Variants in AHNAK observed in about 807,000 individuals in gnomAD.
AHNAK encodes the protein neuroblast differentiation-associated protein AHNAK.
A neutral mutation model predicts 37.8 loss-of-function variants in AHNAK; 23 were observed. That is an observed-to-expected ratio of 0.61 (90% confidence interval 0.44 to 0.86). The LOEUF is 0.86. Among genes scored for constraint, AHNAK ranks in the 40% least tolerant of loss-of-function variants. The pLI, the probability that AHNAK is intolerant of heterozygous loss-of-function variation, is 0.00. For synonymous variants in AHNAK, 2,481 were observed against 2,636.3 expected (o/e 0.94, Z 1.80); for missense variants, 7,411 against 7,319.4 (o/e 1.01, Z -0.46).
chr11:62,464,085 G>A (rs1283471814), intron 5 of AHNAK, among the ~76,000 whole-genome samples: 1 of 148,752 alleles, frequency 6.7e-6, no homozygotes, highest in Non-Finnish European at 1.5e-5. Context: ...TTTTTAATAG[G>A]ATCTTCCTGT....
chr11:62,528,255 G>T lies in AHNAK; in HGVS notation c.6162C>A (p.Pro2054=). The T allele has an allele frequency of 6.2e-7, 1 of 1,614,040 alleles. No individual in the cohort carries two copies. Among genetic ancestry groups the T allele is most frequent in the South Asian group, 1.1e-5 (1 of 91,076 alleles). ...WHLKMPKMKM[P]KFSMPGFKAE... ...CTTTGAAGCCAGGCATGCTGAACTTGGGCATTTTCATCTTGGGCATCTTCA... is the reference window on the plus strand; with the variant it reads ...CTTTGAAGCCAGGCATGCTGAACTTTGGCATTTTCATCTTGGGCATCTTCA... The change falls in exon 5 of 5, where the codon CCC becomes CCA. Residue 2054 remains proline, a synonymous_variant. Transcript: ENST00000378024.
At chr11:62,450,336 T>C (rs1224665075) in intron 5 of AHNAK, among the ~76,000 whole-genome samples, 2 of 151,366 alleles carry the variant, frequency 1.3e-5, no homozygotes, top group African/African-American at 2.4e-5. Flanking sequence ...TTTTTTGTAT[T>C]TGTTGTTGTT....
rs1371033447 is a variant in AHNAK, at chr11:62,519,743, A to T, written c.14674T>A (p.Phe4892Ile). The T allele has an allele frequency of 1.2e-6, 2 of 1,613,402 alleles. No individual in the cohort carries two copies. The highest frequency in any genetic ancestry group is 2.2e-5 in the East Asian group (1 of 44,884). ...EVDLKGPRLD[F>I]EGPDAKLSGP... ...CTGAGTTTGGCATCAGGGCCTTCGA[A>T]ATCCAGACGTGGACCTTTAAGATCT... The change falls in exon 5 of 5, where the codon TTC (phenylalanine) becomes ATC (isoleucine). Residue 4892 changes from phenylalanine (F) to isoleucine (I), a missense_variant. Physicochemically the swap from Phe to Ile is conservative, Grantham distance 21. Coordinates refer to ENST00000378024, the MANE Select transcript of AHNAK (RefSeq NM_001620.3).
intron 5 of AHNAK, among the ~76,000 whole-genome samples, chr11:62,483,909 C>T (rs1407877227): frequency 3.4e-5 from 5 of 148,472 alleles, no homozygotes; most frequent in Admixed American, 1.4e-4. Flanking sequence ...CGGTGGCGGG[C>T]GCCTGTAGTC....
In AHNAK at chr11:62,519,814, T is replaced by A. The variant is rs1252064005; in HGVS notation, c.14603A>T (p.Asp4868Val). The change falls in exon 5 of 5, where the codon GAT (aspartate) becomes GTT (valine). Residue 4868 changes from aspartate (D) to valine (V), a missense_variant. Coordinates refer to ENST00000378024, the MANE Select transcript of AHNAK (RefSeq NM_001620.3). ...LKGPKVKGDF[D>V]VSVPKVEGTL... ...CCCTTCAACCTTAGGGACAGACACA[T>A]CAAAATCTCCTTTTACTTTGGGTCC... The A allele has an allele frequency of 1.2e-6, 2 of 1,614,016 alleles. No homozygotes were observed. Among genetic ancestry groups the A allele is most frequent in the Non-Finnish European group, 1.7e-6 (2 of 1,180,010 alleles).
chr11:62,454,106 CA>C (rs71458414), intron 5 of AHNAK, among the ~76,000 whole-genome samples: 169 of 130,588 alleles, frequency 1.3e-3, no homozygotes, highest in Admixed American at 1.7e-3. Context: ...ATCTCTGTCT[CA>C]AAAAAAAAAA....
At chr11:62,535,643 C>A (rs1454867114) in intron 3 of AHNAK, among the ~76,000 whole-genome samples, 1 of 148,826 alleles carries the variant, frequency 6.7e-6, no homozygotes, top group Non-Finnish European at 1.5e-5. Context: ...AACAAAACTC[C>A]ATCTAAAAAA....
At chr11:62,498,326 T>A (rs1035914863) in intron 4 of AHNAK, among the ~76,000 whole-genome samples, 4 of 152,004 alleles carry the variant, frequency 2.6e-5, no homozygotes, top group Non-Finnish European at 5.9e-5. Flanking sequence ...AGCACGCAAG[T>A]GTGTTTGGAA....
intron 3 of AHNAK, 64 bp downstream of exon 3, chr11:62,535,881 C>G: frequency 1.3e-6 from 2 of 1,545,832 alleles, no homozygotes; most frequent in Non-Finnish European, 1.7e-6. Context: ...CCCTGCCCTT[C>G]CCTCCAACAC....
At position 62,531,589 on chromosome 11, in the gene AHNAK, G is replaced by T. The variant is rs546072562; in HGVS notation, c.2828C>A (p.Ala943Asp). The T allele has an allele frequency of 5.9e-5, 95 of 1,610,492 alleles. No homozygotes were observed. The South Asian group carries it at 9.7e-4, about 16-fold the overall frequency. Residue 943 changes from alanine to aspartate, a missense_variant, in exon 5 of 5, where the codon GCC (alanine) becomes GAC (aspartate). Transcript: ENST00000378024. Reference protein sequence around the residue: ...KFKMPEMNIKAPKISMPDVDL... With the variant: ...KFKMPEMNIKDPKISMPDVDL... The stretch of plus-strand genomic sequence containing the variant: ...CACATCAGGCATGGAGATCTTGGGG[G>T]CCTTGATATTCATCTCTGGCATCTT...
At chr11:62,467,780 A>G (rs1938944837) in intron 5 of AHNAK, among the ~76,000 whole-genome samples, 1 of 152,174 alleles carries the variant, frequency 6.6e-6, no homozygotes, top group South Asian at 2.1e-4. Context: ...AGAGAGGGAC[A>G]CTCTCAGGCA....
downstream of AHNAK, among the ~76,000 whole-genome samples, chr11:62,512,098 C>T (rs553245312): frequency 1.2e-4 from 19 of 152,328 alleles, no homozygotes; most frequent in South Asian, 8.3e-4. The surrounding 1 kb of genome is among the most constrained non-coding windows in gnomAD (Gnocchi z 4.0). Flanking sequence ...CCACCTGCCT[C>T]GGCCTCCCAA....
rs1182552705 is a variant in AHNAK at position 62,532,162 on chromosome 11, A to T, written c.2255T>A (p.Met752Lys). 2.5e-6 allele frequency: 4 copies of T among 1,613,842 alleles called. No individual in the cohort carries two copies. Among genetic ancestry groups the T allele is most frequent in the African/African-American group, 1.3e-5 (1 of 74,836 alleles). The change falls in exon 5 of 5, where the codon ATG (methionine) becomes AAG (lysine). Residue 752 changes from methionine to lysine, a missense_variant. Transcript: ENST00000378024. ...GPDWHLKMPK[M>K]KMPKFSVPGF... ...TGGCACACTGAATTTGGGCATTTTC[A>T]TCTTGGGCATCTTCAAGTGCCAGTC...
At position 62,517,866 on chromosome 11, in the gene AHNAK, C is replaced by G. The variant is rs1940078120; in HGVS notation, c.16551G>C (p.Gln5517His). The part of the protein sequence containing the change: ...PGVNVKLPTG[Q>H]ISGPEIKGGL... ...CACCTTTGATTTCAGGCCCAGAAAT[C>G]TGCCCAGTTGGGAGTTTCACATTCA... The change falls in exon 5 of 5, where the codon CAG (glutamine) becomes CAC (histidine). Residue 5517 changes from glutamine (Q) to histidine (H), a missense_variant. By Grantham distance (24) the Gln-to-His change is conservative. Coordinates refer to ENST00000378024, the MANE Select transcript of AHNAK (RefSeq NM_001620.3). 1 of 1,614,074 alleles carries G rather than the reference C, an allele frequency of 6.2e-7. No individual in the cohort carries two copies. The highest frequency in any genetic ancestry group is 1.3e-5 in the African/African-American group (1 of 74,930).
rs1416790655 is a variant in AHNAK, at chr11:62,520,315, T to C, written c.14102A>G (p.Asp4701Gly). ...GAACTTGGGGCCCTTTAGTTTCGCATCTGGACCTTCGATATTCACATCAGG... is the reference window on the plus strand; with the variant it reads ...GAACTTGGGGCCCTTTAGTTTCGCACCTGGACCTTCGATATTCACATCAGG... Reference protein sequence around the residue: ...DVPDVNIEGPDAKLKGPKFKM... With the variant: ...DVPDVNIEGPGAKLKGPKFKM... The change falls in exon 5 of 5, where the codon GAT (aspartate) becomes GGT (glycine). Residue 4701 changes from aspartate to glycine, a missense_variant. Transcript: ENST00000378024. 2 of 1,613,528 alleles carry C rather than the reference T, an allele frequency of 1.2e-6. No homozygotes were observed. The highest frequency in any genetic ancestry group is 2.2e-5 in the South Asian group (2 of 91,052).
At chr11:62,453,719 A>T (rs1222099687) in intron 5 of AHNAK, among the ~76,000 whole-genome samples, 1 of 152,236 alleles carries the variant, frequency 6.6e-6, no homozygotes, top group Non-Finnish European at 1.5e-5. Context: ...TTAGCGGGCT[A>T]TGTTCTAGGA....
chr11:62,478,119 A>G (rs576774269), intron 5 of AHNAK, among the ~76,000 whole-genome samples: 15 of 152,206 alleles, frequency 9.9e-5, no homozygotes, highest in South Asian at 2.1e-4. Flanking sequence ...CTGGCCTCCC[A>G]TCTCCTCCCC....
intron 5 of AHNAK, among the ~76,000 whole-genome samples, chr11:62,474,869 C>T (rs982940098): frequency 6.6e-5 from 10 of 152,114 alleles, no homozygotes; most frequent in Non-Finnish European, 1.5e-4. Flanking sequence ...GAAAAGCTAC[C>T]TGCTGGAAAG....
chr11:62,535,647 TA>T (rs1260048475), intron 3 of AHNAK, among the ~76,000 whole-genome samples: 811 of 126,536 alleles, frequency 6.4e-3, no homozygotes, highest in Middle Eastern at 0.015. Context: ...AAACTCCATC[TA>T]AAAAAAAAAA....
Sources: gnomAD v4.1 joint callset for allele counts (sites outside exome capture counted in the v4.1 genomes callset) on GRCh38, gnomAD v4.1.1 for gene constraint, Gnocchi (gnomAD v3.1) non-coding constraint, MANE v1.5 for transcripts, NCBI Gene and HGNC (gene_info 2026-07-23, HGNC 2026-07-21) for gene names.